The following SMARCAD1 variants were observed in gnomAD, a reference collection of about 807,000 sequenced individuals.
SMARCAD1 encodes SNF2 related chromatin remodeling ATPase with DExD box 1, also known as SWI/SNF-related matrix-associated actin-dependent regulator of chromatin subfamily A containing DEAD/H box 1.
A neutral mutation model predicts 127.1 loss-of-function variants in SMARCAD1; 25 were observed. That is an observed-to-expected ratio of 0.20 (90% CI 0.14 to 0.27). The LOEUF (loss-of-function observed/expected upper bound fraction) is 0.27, where lower values mean the gene tolerates loss of function less well. Among genes scored for constraint, SMARCAD1 ranks in the 10% least tolerant of loss-of-function variants. The pLI is 1.00. For synonymous variants in SMARCAD1, 400 were observed against 396.9 expected (o/e 1.01, Z -0.09); for missense variants, 807 against 1,206.0 (o/e 0.67, Z 4.90).
intron 9 of SMARCAD1, among the ~76,000 whole-genome samples, chr4:94,257,684 C>G (rs1328954790): frequency 6.6e-6 from 1 of 151,966 alleles, no homozygotes; most frequent in African/African-American, 2.4e-5. Context: ...TCTCCGCCCC[C>G]ACAAAAAAAA....
At chr4:94,223,455 T>G (rs537650722) in intron 2 of SMARCAD1, among the ~76,000 whole-genome samples, 3 of 152,086 alleles carry the variant, frequency 2.0e-5, no homozygotes, top group Non-Finnish European at 4.4e-5. Flanking sequence ...ATCACGCCAC[T>G]GTACTCTAGC....
intron 18 of SMARCAD1, 84 bp downstream of exon 18, chr4:94,278,817 G>A: frequency 1.3e-6 from 2 of 1,598,524 alleles, no homozygotes; most frequent in Non-Finnish European, 1.7e-6. Flanking sequence ...TGGGATTTGT[G>A]CATTTTAAAA....
At chr4:94,253,666 G>A (rs1410441870) in intron 9 of SMARCAD1, 23 of 1,021,124 alleles carry the variant, frequency 2.3e-5, no homozygotes, top group South Asian at 3.7e-5. Context: ...GAAGGCATAA[G>A]CACTGGTAAG....
rs966229825 is a variant in SMARCAD1, at chr4:94,289,592, C to T, written c.*58C>T. 7.6e-7 allele frequency: 1 copy of T among 1,313,300 alleles called. No homozygotes were observed. The highest frequency in any genetic ancestry group is 1.4e-5 in the African/African-American group (1 of 68,998). 81.4% of individuals were successfully genotyped at this position (1,313,300 alleles called of 1,614,324 possible). A position where few individuals can be genotyped will look rare whatever the true frequency, so the allele number is the denominator to read the frequency against. Reference sequence around the variant, plus strand: ...AATATCAACTTGGTGCACTCAAGGACATTTACATTATGATGACCATGGGGT... The same window carrying T: ...AATATCAACTTGGTGCACTCAAGGATATTTACATTATGATGACCATGGGGT... On this transcript the variant is annotated 3_prime_UTR_variant, in exon 24 of 24. Transcript: ENST00000354268.
rs774542369 is a variant in SMARCAD1 at position 94,208,464 on chromosome 4, A to T, written c.70A>T (p.Thr24Ser). Residue 24 changes from threonine (T) to serine (S), a missense_variant, in exon 2 of 24, where the codon ACC becomes TCC. By Grantham distance (58) the Thr-to-Ser change is moderately conservative. Transcript: ENST00000354268. The part of the protein sequence containing the change: ...RNKIEEAPEA[T>S]PQPSQPGPSS... ...TAAGATTGAGGAAGCGCCCGAAGCA[A>T]CCCCTCAACCTTCCCAGCCTGGCCC... The T allele has an allele frequency of 1.9e-6, 3 of 1,613,902 alleles. No homozygotes were observed. In the East Asian group the frequency reaches 6.7e-5, roughly 36 times the overall value.
intron 10 of SMARCAD1, 152 bp from the exon 11 acceptor site, chr4:94,270,576 G>T: frequency 1.6e-6 from 1 of 619,856 alleles, no homozygotes. Context: ...TTATGTCTTG[G>T]GTTCATTTTT....
chr4:94,241,092 A>G (rs754874610), intron 6 of SMARCAD1, 86 bp downstream of exon 6: 23 of 850,394 alleles, frequency 2.7e-5, no homozygotes, highest in Non-Finnish European at 4.1e-5. Flanking sequence ...AGACCTGAAA[A>G]TCCACCTAAA....
intron 9 of SMARCAD1, among the ~76,000 whole-genome samples, chr4:94,263,231 TATTACACACACATACTACAATCAGCATG>T (rs1751275684): frequency 6.6e-6 from 1 of 152,178 alleles, no homozygotes; most frequent in Non-Finnish European, 1.5e-5. Flanking sequence ...CATTTCAATG[TATTACACACACATACTACAATCAGCATG>T]AGATTGGTTT....
At chr4:94,237,670 A>G in intron 5 of SMARCAD1, among the ~76,000 whole-genome samples, 1 of 152,122 alleles carries the variant, frequency 6.6e-6, no homozygotes. Context: ...ATTAGGTTAC[A>G]AAATGTAAAT....
At chr4:94,279,204 G>A (rs578145899) in intron 19 of SMARCAD1, among the ~76,000 whole-genome samples, 154 bp downstream of exon 19, 5 of 152,196 alleles carry the variant, frequency 3.3e-5, no homozygotes, top group African/African-American at 1.2e-4. Context: ...TGTTGCCAAG[G>A]CAGGCAGTCT....
At chr4:94,212,079 G>T (rs1381395831) in intron 2 of SMARCAD1, among the ~76,000 whole-genome samples, 2 of 152,198 alleles carry the variant, frequency 1.3e-5, no homozygotes, top group Non-Finnish European at 2.9e-5. Flanking sequence ...TCAGGGCAAC[G>T]ACTGGCTTGT....
At chr4:94,220,259 T>C (rs975240102) in intron 2 of SMARCAD1, among the ~76,000 whole-genome samples, 1 of 152,252 alleles carries the variant, frequency 6.6e-6, no homozygotes, top group East Asian at 1.9e-4. Flanking sequence ...ATTATTATTA[T>C]TTTTTTGAGA....
At chr4:94,230,693 C>CT (rs1745707017) in intron 3 of SMARCAD1, among the ~76,000 whole-genome samples, 2 of 152,046 alleles carry the variant, frequency 1.3e-5, no homozygotes, top group South Asian at 4.1e-4. Context: ...AAACTACCCC[C>CT]TACCCCAACT....
chr4:94,275,757 G>A (rs1371461921), intron 14 of SMARCAD1, among the ~76,000 whole-genome samples: 2 of 150,532 alleles, frequency 1.3e-5, no homozygotes, highest in Non-Finnish European at 3.0e-5. Flanking sequence ...ACCTCCTCCT[G>A]GGTATGTAGA....
chr4:94,208,510 GTGCTGAAGAGGAGAA>G lies in SMARCAD1; in HGVS notation c.125_139del (p.Glu42_Glu46del). On this transcript the variant is annotated inframe_deletion, in exon 2 of 24. Coordinates refer to ENST00000354268, the MANE Select transcript of SMARCAD1 (RefSeq NM_020159.5). ...GGCCCTTCTTCACCAATTTCTCTTAGTGCTGAAGAGGAGAATGCTGAAGGGGAAGTTAGCAGGGCA... is the reference window on the plus strand; with the variant it reads ...GGCCCTTCTTCACCAATTTCTCTTAGTGCTGAAGGGGAAGTTAGCAGGGCA... 1 of 1,614,066 alleles carries G rather than the reference GTGCTGAAGAGGAGAA, an allele frequency of 6.2e-7. No homozygotes were observed. Among genetic ancestry groups the G allele is most frequent in the Non-Finnish European group, 8.5e-7 (1 of 1,180,012 alleles).
Position 94,285,047 on chromosome 4 carries a change from G to A in SMARCAD1, c.2997G>A (p.Gln999=), listed in dbSNP as rs761974012. 2 of 1,610,472 alleles carry A rather than the reference G, an allele frequency of 1.2e-6. No homozygotes were observed. Among genetic ancestry groups the A allele is most frequent in the African/African-American group, 1.3e-5 (1 of 74,878 alleles). Residue 999 remains glutamine, a synonymous_variant, in exon 23 of 24, where the codon CAG becomes CAA. Transcript: ENST00000354268. ...KINQQKLKLE[Q]DMTTVDEGDE... ...ACCAACAGAAATTGAAACTAGAACA[G>A]GATATGACTACAGTAGATGAAGGTG...
Position 94,281,382 on chromosome 4 carries a change from T to C in SMARCAD1, c.2608-90T>C, listed in dbSNP as rs187924301. The C allele has an allele frequency of 4.9e-5, 43 of 885,632 alleles. 1 individual carries two copies. Among genetic ancestry groups the C allele is most frequent in the African/African-American group, 4.6e-4 (28 of 60,696 alleles). 54.9% of individuals were successfully genotyped at this position (885,632 alleles called of 1,614,324 possible). A position where few individuals can be genotyped will look rare whatever the true frequency, so the allele number is the denominator to read the frequency against. On this transcript the variant is annotated intron_variant, in intron 20 of 23. Coordinates refer to ENST00000354268, the MANE Select transcript of SMARCAD1 (RefSeq NM_020159.5). ...TTTCTGCAAATTTATCAACATGATA[T>C]AAGTAACACTTCTAACTGTTTAAAC...
intron 2 of SMARCAD1, among the ~76,000 whole-genome samples, chr4:94,221,248 G>A (rs1744074957): frequency 6.6e-6 from 1 of 152,192 alleles, no homozygotes; most frequent in Non-Finnish European, 1.5e-5. Context: ...ATCATGAAAT[G>A]TGTCGACCTT....
intron 9 of SMARCAD1, among the ~76,000 whole-genome samples, chr4:94,260,958 T>A (rs1038623407): frequency 6.6e-6 from 1 of 152,202 alleles, no homozygotes; most frequent in Non-Finnish European, 1.5e-5. Context: ...TTATGTCTGC[T>A]GTAATTTTTT....
Sources: allele counts gnomAD v4.1 joint callset (sites outside exome capture counted in the v4.1 genomes callset), GRCh38; gene constraint gnomAD v4.1.1; transcripts MANE v1.5; gene names NCBI Gene and HGNC (gene_info 2026-07-23, HGNC 2026-07-21).